The following LAMA2 variants were observed in gnomAD, a reference collection of about 807,000 sequenced individuals.
The protein encoded by LAMA2 is laminin subunit alpha-2.
Under a neutral mutation model 364.8 loss-of-function variants are expected in LAMA2, and 269 were observed. The observed-to-expected ratio is 0.74, with a 90% CI of 0.67 to 0.82. LAMA2 has a LOEUF of 0.82. LAMA2 is among the 40% of genes least tolerant of loss of function. LAMA2 has a pLI of 0.00. For missense variants in LAMA2, 3,807 were observed against 3,873.2 expected (o/e 0.98, Z 0.45); for synonymous variants, 1,379 against 1,370.6 (o/e 1.01, Z -0.14).
chr6:128,996,181 G>C (rs931301163), intron 1 of LAMA2, among the ~76,000 whole-genome samples: 1 of 152,168 alleles, frequency 6.6e-6, no homozygotes, highest in Non-Finnish European at 1.5e-5. Flanking sequence ...AGTGAATGCT[G>C]TGCATGGAGG....
intron 4 of LAMA2, among the ~76,000 whole-genome samples, chr6:129,136,326 G>A (rs1306295453): frequency 6.6e-6 from 1 of 152,134 alleles, no homozygotes; most frequent in Non-Finnish European, 1.5e-5. Context: ...AAGAATCATA[G>A]AGACTTTGAT....
chr6:129,199,891 C>A (rs999223220), intron 12 of LAMA2, among the ~76,000 whole-genome samples: 6 of 151,684 alleles, frequency 4.0e-5, no homozygotes, highest in Middle Eastern at 3.2e-3. Context: ...CCACCCTGGC[C>A]AACATGGCAA....
At chr6:129,307,466 C>T (rs1348190833) in intron 22 of LAMA2, among the ~76,000 whole-genome samples, 1 of 152,192 alleles carries the variant, frequency 6.6e-6, no homozygotes, top group Non-Finnish European at 1.5e-5. Context: ...TAAGTTTCAG[C>T]AGCCTCGGCT....
chr6:129,486,653 T>C, intron 56 of LAMA2, 31 bp downstream of exon 56: 1 of 1,602,662 alleles, frequency 6.2e-7, no homozygotes, highest in Non-Finnish European at 8.5e-7. Context: ...TTTATTATTG[T>C]AACTCAGGTG....
chr6:129,313,115 G>A lies in LAMA2; in HGVS notation c.3411+18G>A. The A allele has an allele frequency of 1.3e-6, 2 of 1,502,436 alleles. No individual in the cohort carries two copies. Among genetic ancestry groups the A allele is most frequent in the Non-Finnish European group, 1.8e-6 (2 of 1,091,732 alleles). The allele number at this position is 1,502,436 out of a possible 1,614,324, so 93.1% of individuals were successfully genotyped here. A position where few individuals can be genotyped will look rare whatever the true frequency, so the allele number is the denominator to read the frequency against. ...CTTGTAAGGTATGTGCTGCTGACAT[G>A]CAGCTAGGGAAAACCTCCCTCAATT... On this transcript the variant is annotated intron_variant, in intron 23 of 64. Coordinates refer to ENST00000421865, the MANE Select transcript of LAMA2 (RefSeq NM_000426.4).
At chr6:129,336,995 G>A (rs1214648047) in intron 29 of LAMA2, among the ~76,000 whole-genome samples, 1 of 152,186 alleles carries the variant, frequency 6.6e-6, no homozygotes. Flanking sequence ...GAGATTAATA[G>A]AAAAGATTTG....
chr6:129,442,684 T>A (rs1282583380), intron 43 of LAMA2: 1 of 295,920 alleles, frequency 3.4e-6, no homozygotes. Context: ...CCTCCTGCTC[T>A]CCACCCTCCA....
intron 1 of LAMA2, among the ~76,000 whole-genome samples, chr6:128,931,581 T>A (rs1336072868): frequency 1.3e-5 from 2 of 152,126 alleles, no homozygotes; most frequent in African/African-American, 4.8e-5. Context: ...GGAGAAATCC[T>A]TACAGGACAT....
At position 129,251,417 on chromosome 6, in the gene LAMA2, T is replaced by C. The variant is rs967648539; in HGVS notation, c.1885-667T>C. On this transcript the variant is annotated intron_variant, in intron 13 of 64. Coordinates refer to ENST00000421865, the MANE Select transcript of LAMA2 (RefSeq NM_000426.4). ...ATCTACAGTTTGAAATATGTAACTT[T>C]CGTGCACTTTTTTCAATTCAAGGTG... Among the ~76,000 whole-genome samples, 12 of 152,136 alleles carry C rather than the reference T, an allele frequency of 7.9e-5. 1 individual carries two copies. In the South Asian group the frequency reaches 8.3e-4, roughly 11 times the overall value.
At chr6:129,304,718 T>A (rs1773761417) in intron 22 of LAMA2, among the ~76,000 whole-genome samples, 1 of 152,264 alleles carries the variant, frequency 6.6e-6, no homozygotes, top group African/African-American at 2.4e-5. Flanking sequence ...CTTGGTTTAA[T>A]ATAATCTTTA....
At chr6:129,267,683 A>G (rs1279422529) in intron 16 of LAMA2, among the ~76,000 whole-genome samples, 3 of 152,148 alleles carry the variant, frequency 2.0e-5, no homozygotes, top group Admixed American at 6.6e-5. Flanking sequence ...AAATGTTCAT[A>G]ATTTAACTAA....
chr6:129,346,564 T>A (rs1367095211), intron 30 of LAMA2, among the ~76,000 whole-genome samples: 1 of 150,888 alleles, frequency 6.6e-6, no homozygotes, highest in Non-Finnish European at 1.5e-5. Flanking sequence ...TATGTGTACA[T>A]ATCTGTGTCT....
intron 1 of LAMA2, among the ~76,000 whole-genome samples, chr6:129,046,808 T>C (rs9402095): frequency 0.49 from 74,661 of 152,078 alleles, 21,138 homozygotes; most frequent in East Asian, 0.8. Flanking sequence ...CTGCCTGATA[T>C]GTTTGTTTTT....
intron 3 of LAMA2, among the ~76,000 whole-genome samples, chr6:129,089,989 T>A (rs1193943427): frequency 6.6e-6 from 1 of 152,120 alleles, no homozygotes; most frequent in Non-Finnish European, 1.5e-5. Flanking sequence ...AGAGGCAGAG[T>A]TAACCATTTA....
At chr6:129,505,395 CTGATT>C in intron 61 of LAMA2, 40 bp downstream of exon 61, 1 of 1,514,514 alleles carries the variant, frequency 6.6e-7, no homozygotes, top group Non-Finnish European at 9.2e-7. Flanking sequence ...AAATATATGG[CTGATT>C]CATTTATTGA....
intron 1 of LAMA2, among the ~76,000 whole-genome samples, chr6:128,961,354 T>TATATATTATATATATATATATATA (rs1781503830): frequency 2.6e-5 from 2 of 77,624 alleles, no homozygotes; most frequent in African/African-American, 9.2e-5. Context: ...TATATATATA[T>TATATATTATATATATATATATATA]ATATATATAT....
chr6:129,326,303 A>G (rs1182377307), intron 28 of LAMA2, among the ~76,000 whole-genome samples: 2 of 152,066 alleles, frequency 1.3e-5, no homozygotes, highest in South Asian at 2.1e-4. Flanking sequence ...CTAGGGCTGG[A>G]CCGGACCACA....
rs760034400 is a variant in LAMA2, at chr6:129,465,303, G to T, written c.7300+14G>T. On this transcript the variant is annotated intron_variant, in intron 51 of 64. Coordinates refer to ENST00000421865, the MANE Select transcript of LAMA2 (RefSeq NM_000426.4). ...TTCAAAAACAAGGTGAGTTTTTACAGTAATAATGCAATATAGGCCTTAATC... is the reference window on the plus strand; with the variant it reads ...TTCAAAAACAAGGTGAGTTTTTACATTAATAATGCAATATAGGCCTTAATC... The T allele has an allele frequency of 7.5e-6, 12 of 1,597,176 alleles. No homozygotes were observed. In the African/African-American group the frequency reaches 1.5e-4, roughly 20 times the overall value.
At chr6:129,240,146 A>G (rs1785299473) in intron 12 of LAMA2, among the ~76,000 whole-genome samples, 1 of 152,228 alleles carries the variant, frequency 6.6e-6, no homozygotes, top group South Asian at 2.1e-4. Flanking sequence ...TAGGAGAAAG[A>G]TGAAGACTAG....
Sources: allele counts gnomAD v4.1 joint callset (sites outside exome capture counted in the v4.1 genomes callset), GRCh38; gene constraint gnomAD v4.1.1; transcripts MANE v1.5; gene names NCBI Gene and HGNC (gene_info 2026-07-23, HGNC 2026-07-21).